BMP6: variants seen among roughly 807,000 people sequenced by gnomAD.
The protein encoded by BMP6 is VG-1-R.
In BMP6, 17 loss-of-function variants were observed where a neutral mutation model predicts 54.1. The observed-to-expected ratio is 0.31, with a 90% CI of 0.22 to 0.47. The LOEUF is 0.47. Ranked by LOEUF, BMP6 falls within the 20% of genes least tolerant of loss-of-function variation. The pLI, the probability that BMP6 is intolerant of heterozygous loss-of-function variation, is 1.00. For missense variants in BMP6, 720 were observed against 690.4 expected (o/e 1.04, Z -0.48); for synonymous variants, 328 against 291.2 (o/e 1.13, Z -1.28).
At chr6:7,743,906 C>T (rs544986200) in intron 1 of BMP6, among the ~76,000 whole-genome samples, 1 of 152,320 alleles carries the variant, frequency 6.6e-6, no homozygotes, top group African/African-American at 2.4e-5. Flanking sequence ...TTCCTGTCTT[C>T]CTTCATGTTG....
intron 4 of BMP6, among the ~76,000 whole-genome samples, chr6:7,869,858 A>C (rs1759491155): frequency 6.6e-6 from 1 of 152,188 alleles, no homozygotes; most frequent in Admixed American, 6.5e-5. Flanking sequence ...CACCTGCAAC[A>C]GGAGGAGCAA....
intron 1 of BMP6, among the ~76,000 whole-genome samples, chr6:7,772,967 G>A (rs1757812730): frequency 6.6e-6 from 1 of 152,108 alleles, no homozygotes; most frequent in African/African-American, 2.4e-5. Flanking sequence ...GAGTTCATTA[G>A]GCGTTGATTT....
intron 1 of BMP6, among the ~76,000 whole-genome samples, chr6:7,741,392 C>T (rs13197388): frequency 0.11 from 16,135 of 152,100 alleles, 1,037 homozygotes; most frequent in East Asian, 0.29. Flanking sequence ...AACTCCTGGG[C>T]TCAAGTGATC....
intron 1 of BMP6, among the ~76,000 whole-genome samples, chr6:7,789,626 C>G (rs1008285709): frequency 4.6e-5 from 7 of 152,128 alleles, no homozygotes; most frequent in African/African-American, 1.7e-4. Flanking sequence ...CCTGGAGTCT[C>G]ATGGAGAGGG....
At chr6:7,786,275 CCT>C (rs1402603178) in intron 1 of BMP6, among the ~76,000 whole-genome samples, 3 of 152,268 alleles carry the variant, frequency 2.0e-5, no homozygotes, top group South Asian at 2.1e-4. Context: ...CCACACCTCT[CCT>C]CTCTACTACT....
chr6:7,859,668 ACACCCCCCG>A (rs1491127978), intron 2 of BMP6, among the ~76,000 whole-genome samples: 7 of 148,708 alleles, frequency 4.7e-5, no homozygotes, highest in South Asian at 2.2e-4. Context: ...TTTTCCATGG[ACACCCCCCG>A]CACCCCCCGC....
intron 2 of BMP6, among the ~76,000 whole-genome samples, chr6:7,852,083 AAT>A (rs1759151692): frequency 6.6e-6 from 1 of 152,200 alleles, no homozygotes. Context: ...CTATTTATGA[AAT>A]TCTGGACATT....
At chr6:7,856,847 C>T (rs1759248076) in intron 2 of BMP6, among the ~76,000 whole-genome samples, 2 of 151,936 alleles carry the variant, frequency 1.3e-5, no homozygotes, top group Admixed American at 6.6e-5. Context: ...CCGCCCGCCT[C>T]GGCCTCCCAA....
chr6:7,837,183 T>C (rs1473023311), intron 1 of BMP6, among the ~76,000 whole-genome samples: 1 of 152,256 alleles, frequency 6.6e-6, no homozygotes, highest in African/African-American at 2.4e-5. Flanking sequence ...CTCTGTTCTT[T>C]TTCCTCTCTG....
At chr6:7,755,845 C>A (rs772923649) in intron 1 of BMP6, among the ~76,000 whole-genome samples, 1 of 152,102 alleles carries the variant, frequency 6.6e-6, no homozygotes, top group Non-Finnish European at 1.5e-5. Flanking sequence ...ATTTCCCTTG[C>A]AGCACTTTAT....
At position 7,856,413 on chromosome 6, in the gene BMP6, G is replaced by T. The variant is rs183815118; in HGVS notation, c.858-5038G>T. Among the ~76,000 whole-genome samples, 234 of 151,714 alleles carry T rather than the reference G, an allele frequency of 1.5e-3. 7 individuals carry two copies. Among genetic ancestry groups the T allele is most frequent in the Admixed American group, 0.013 (196 of 15,242 alleles). On this transcript the variant is annotated intron_variant, in intron 2 of 6. Transcript: ENST00000283147. The stretch of plus-strand genomic sequence containing the variant: ...ATTTGAAAAATGAATTTTTCTTATT[G>T]CAGAAAGTCAGTTCCTCCATGTATG...
Position 7,880,729 on chromosome 6 carries a change from T to C in BMP6, c.*386T>C. 1 of 276,290 alleles carries C rather than the reference T, an allele frequency of 3.6e-6. No homozygotes were observed. Among genetic ancestry groups the C allele is most frequent in the Non-Finnish European group, 7.0e-6 (1 of 142,640 alleles). The allele number at this position is 276,290 out of a possible 1,614,324, so 17.1% of individuals were successfully genotyped here. A position where few individuals can be genotyped will look rare whatever the true frequency, so the allele number is the denominator to read the frequency against. On this transcript the variant is annotated 3_prime_UTR_variant, in exon 7 of 7. Transcript: ENST00000283147. ...AATCTCAAAGGAGTTAAATGTATTCTTGGCTAAAGGATCAGCTGGTTCAGT... is the reference window on the plus strand; with the variant it reads ...AATCTCAAAGGAGTTAAATGTATTCCTGGCTAAAGGATCAGCTGGTTCAGT...
At chr6:7,845,910 T>C (rs1043667250) in intron 2 of BMP6, among the ~76,000 whole-genome samples, 2 of 152,218 alleles carry the variant, frequency 1.3e-5, no homozygotes, top group African/African-American at 2.4e-5. Flanking sequence ...GTGAAGCATG[T>C]GCATGGAGCT....
At chr6:7,780,487 T>C (rs1757926437) in intron 1 of BMP6, among the ~76,000 whole-genome samples, 1 of 151,134 alleles carries the variant, frequency 6.6e-6, no homozygotes, top group African/African-American at 2.4e-5. Context: ...AGGCGGAGGT[T>C]GTAGTGAGCC....
intron 1 of BMP6, among the ~76,000 whole-genome samples, chr6:7,834,335 A>G (rs1033048128): frequency 2.1e-5 from 3 of 144,362 alleles, no homozygotes; most frequent in Non-Finnish European, 4.6e-5. Flanking sequence ...GAATCATCAG[A>G]GTGACGGGAG....
chr6:7,800,319 A>G (rs1270547553), intron 1 of BMP6, among the ~76,000 whole-genome samples: 1 of 152,196 alleles, frequency 6.6e-6, no homozygotes, highest in Non-Finnish European at 1.5e-5. Context: ...TCTTATGGAG[A>G]GAGCTTTTAA....
intron 2 of BMP6, among the ~76,000 whole-genome samples, chr6:7,854,247 C>G (rs1202940631): frequency 6.6e-6 from 1 of 152,124 alleles, no homozygotes; most frequent in Non-Finnish European, 1.5e-5. Flanking sequence ...ACTATGTTGT[C>G]CAGCTTTGTG....
At chr6:7,813,108 A>AAATATATAT (rs1554122651) in intron 1 of BMP6, among the ~76,000 whole-genome samples, 3 of 21,496 alleles carry the variant, frequency 1.4e-4, no homozygotes, top group Non-Finnish European at 2.3e-4. Flanking sequence ...AAAAAAAAAA[A>AAATATATAT]ATATATATAT....
At chr6:7,816,318 C>T (rs1490051697) in intron 1 of BMP6, among the ~76,000 whole-genome samples, 2 of 152,176 alleles carry the variant, frequency 1.3e-5, no homozygotes, top group Non-Finnish European at 2.9e-5. Context: ...GTTTAATCCC[C>T]TCCGTAATCC....
Sources: gnomAD v4.1 joint callset for allele counts (sites outside exome capture counted in the v4.1 genomes callset) on GRCh38, gnomAD v4.1.1 for gene constraint, MANE v1.5 for transcripts, NCBI Gene and HGNC (gene_info 2026-07-23, HGNC 2026-07-21) for gene names.